The following EHMT1 variants were observed in gnomAD, a reference collection of about 807,000 sequenced individuals.
The protein encoded by EHMT1 is euchromatic histone lysine methyltransferase 1.
In EHMT1, 15 loss-of-function variants were observed where a neutral mutation model predicts 147.2. The observed-to-expected ratio is 0.10, with a 90% CI of 0.07 to 0.16. The LOEUF is 0.16. Among genes scored for constraint, EHMT1 ranks in the 10% least tolerant of loss-of-function variants. EHMT1 has a pLI of 1.00. For missense variants in EHMT1, 1,587 were observed against 1,772.4 expected (o/e 0.90, Z 1.88); for synonymous variants, 795 against 709.6 (o/e 1.12, Z -1.91).
At chr9:137,797,198 GT>G (rs1953033432) in intron 16 of EHMT1, among the ~76,000 whole-genome samples, 1 of 152,168 alleles carries the variant, frequency 6.6e-6, no homozygotes, top group African/African-American at 2.4e-5. Flanking sequence ...TTGAGCTTCT[GT>G]TTGTGTGCCT....
intron 23 of EHMT1, chr9:137,816,440 T>C (rs1254794067): frequency 8.6e-6 from 3 of 347,240 alleles, no homozygotes; most frequent in African/African-American, 2.1e-5. Flanking sequence ...ATATTCTCTG[T>C]TCTCTGGGCT....
chr9:137,716,911 G>C lies in EHMT1; in HGVS notation c.371G>C (p.Gly124Ala). ...CAGACTTCTGTCATCGGCAGCAACGGATACATCTTAAATAAGCCGGCCCTA... is the reference window on the plus strand; with the variant it reads ...CAGACTTCTGTCATCGGCAGCAACGCATACATCTTAAATAAGCCGGCCCTA... ...FVQTSVIGSN[G>A]YILNKPALQA... The change falls in exon 3 of 27, where the codon GGA (glycine) becomes GCA (alanine). Residue 124 changes from glycine (G) to alanine (A), a missense_variant. Physicochemically the swap from Gly to Ala is moderately conservative, Grantham distance 60. Around this residue, in one of 7 missense-constraint regions of EHMT1, gnomAD observed 810 missense variants for 673.0 expected, o/e 1.20. Coordinates refer to ENST00000460843, the MANE Select transcript of EHMT1 (RefSeq NM_024757.5). 6.2e-7 allele frequency: 1 copy of C among 1,613,026 alleles called. No homozygotes were observed. Among genetic ancestry groups the C allele is most frequent in the Non-Finnish European group, 8.5e-7 (1 of 1,179,864 alleles).
chr9:137,777,344 A>G (rs998353853), intron 12 of EHMT1: 1 of 194,802 alleles, frequency 5.1e-6, no homozygotes, highest in African/African-American at 2.4e-5. Context: ...AGGATCTGAT[A>G]AGAAGAGATA....
chr9:137,709,371 TCA>T, intron 1 of EHMT1, among the ~76,000 whole-genome samples: 1 of 152,096 alleles, frequency 6.6e-6, no homozygotes, highest in Admixed American at 6.5e-5. Context: ...CAGTGGGAGA[TCA>T]GGGGGTGGGA....
intron 1 of EHMT1, chr9:137,665,096 T>C (rs557806787): frequency 8.5e-5 from 13 of 152,346 alleles, no homozygotes; most frequent in South Asian, 4.1e-4. Context: ...ATTGGTGTTA[T>C]TTACTTTCAT....
intron 4 of EHMT1, among the ~76,000 whole-genome samples, chr9:137,738,225 A>C (rs1355655313): frequency 6.7e-6 from 1 of 150,142 alleles, no homozygotes; most frequent in South Asian, 2.1e-4. Context: ...AAAACAACAA[A>C]AAAAACCCAA....
At chr9:137,739,733 C>G (rs1465087278) in intron 4 of EHMT1, among the ~76,000 whole-genome samples, 1 of 152,262 alleles carries the variant, frequency 6.6e-6, no homozygotes, top group Non-Finnish European at 1.5e-5. Context: ...CTGGTGACCA[C>G]AGGACATGCC....
chr9:137,802,251 C>T (rs991265975), intron 18 of EHMT1, among the ~76,000 whole-genome samples: 8 of 152,150 alleles, frequency 5.3e-5, no homozygotes, highest in East Asian at 1.9e-4. Flanking sequence ...GGCATAGACA[C>T]ACTGCAGCCC....
At chr9:137,758,070 C>T in intron 9 of EHMT1, 59 bp downstream of exon 9, 4 of 1,610,782 alleles carry the variant, frequency 2.5e-6, no homozygotes, top group Non-Finnish European at 3.4e-6. Flanking sequence ...CTTCTGGGCT[C>T]CTTCCTCTGT....
At chr9:137,623,138 G>A (rs917634727) in intron 1 of EHMT1, among the ~76,000 whole-genome samples, 4 of 151,306 alleles carry the variant, frequency 2.6e-5, no homozygotes, top group African/African-American at 7.3e-5. Context: ...GCGTGAACCC[G>A]GGAGGTGGAG....
chr9:137,754,617 A>G (rs1043102994), intron 8 of EHMT1, among the ~76,000 whole-genome samples: 4 of 151,904 alleles, frequency 2.6e-5, no homozygotes, highest in Non-Finnish European at 4.4e-5. Flanking sequence ...GGCTCAGGCG[A>G]TCATCCTACC....
At chr9:137,692,767 C>T (rs1037620979) in intron 1 of EHMT1, among the ~76,000 whole-genome samples, 5 of 152,132 alleles carry the variant, frequency 3.3e-5, no homozygotes, top group Admixed American at 6.5e-5. Flanking sequence ...CCTGCTCCAG[C>T]CCTGGTGAAG....
At position 137,786,080 on chromosome 9, in the gene EHMT1, G is replaced by T. The variant is rs10867067; in HGVS notation, c.2382+3683G>T. 1 of 152,190 alleles carries T rather than the reference G, an allele frequency of 6.6e-6. No individual in the cohort carries two copies. The highest frequency in any genetic ancestry group is 2.4e-5 in the African/African-American group (1 of 41,396). The allele number at this position is 152,190 out of a possible 1,614,324, so 9.4% of individuals were successfully genotyped here. A position where few individuals can be genotyped will look rare whatever the true frequency, so the allele number is the denominator to read the frequency against. The stretch of plus-strand genomic sequence containing the variant: ...GTGCTCTGTGCTTGTCTGAAACGTC[G>T]TCTTTGGGGAGGCCGAGTGAGGGGA... On this transcript the variant is annotated intron_variant, in intron 15 of 26. Transcript: ENST00000460843. This position sits in a 1 kb window ranked among gnomAD's most constrained non-coding sequence, Gnocchi z 4.3.
intron 1 of EHMT1, among the ~76,000 whole-genome samples, chr9:137,626,188 C>T (rs998817916): frequency 6.6e-6 from 1 of 151,692 alleles, no homozygotes; most frequent in African/African-American, 2.4e-5. Context: ...TTTTTATATT[C>T]TTTACTGTTT....
At chr9:137,621,665 C>T (rs1477007208) in intron 1 of EHMT1, among the ~76,000 whole-genome samples, 1 of 151,998 alleles carries the variant, frequency 6.6e-6, no homozygotes, top group African/African-American at 2.4e-5. Flanking sequence ...ATCCTCCATT[C>T]CCCATTTGTG....
intron 1 of EHMT1, among the ~76,000 whole-genome samples, chr9:137,669,397 C>T (rs1940196395): frequency 1.3e-5 from 2 of 151,712 alleles, no homozygotes; most frequent in African/African-American, 2.4e-5. Context: ...CAAGACGCCC[C>T]CCACAGCACG....
At chr9:137,691,931 C>T (rs1942970248) in intron 1 of EHMT1, among the ~76,000 whole-genome samples, 3 of 152,180 alleles carry the variant, frequency 2.0e-5, no homozygotes, top group Admixed American at 6.5e-5. Context: ...TCATTTCCTT[C>T]CTCTTTTAAT....
intron 10 of EHMT1, among the ~76,000 whole-genome samples, chr9:137,770,440 G>A (rs1950518773): frequency 1.3e-5 from 2 of 152,210 alleles, no homozygotes; most frequent in African/African-American, 4.8e-5. Flanking sequence ...GTGTGCTTCT[G>A]TTGATGTTTC....
intron 10 of EHMT1, among the ~76,000 whole-genome samples, chr9:137,772,047 C>T (rs1444930566): frequency 1.3e-5 from 2 of 152,032 alleles, no homozygotes; most frequent in African/African-American, 2.4e-5. Context: ...CCTGCAGAGC[C>T]TGTGGGCACT....
Sources: gnomAD v4.1 joint callset for allele counts (sites outside exome capture counted in the v4.1 genomes callset) on GRCh38, gnomAD v4.1.1 for gene constraint, gnomAD v4.1.1 regional missense constraint, Gnocchi (gnomAD v3.1) non-coding constraint, MANE v1.5 for transcripts, NCBI Gene and HGNC (gene_info 2026-07-23, HGNC 2026-07-21) for gene names.